CXADR: variants seen among roughly 807,000 people sequenced by gnomAD.
CXADR encodes coxsackievirus and adenovirus receptor.
In CXADR, 20 loss-of-function variants were observed where a neutral mutation model predicts 40.3. The ratio of observed to expected loss-of-function variants is 0.50; its 90% CI spans 0.35 to 0.72. The LOEUF is 0.72. Among genes scored for constraint, CXADR ranks in the 30% least tolerant of loss-of-function variants. The pLI is 0.01. For missense variants in CXADR, 332 were observed against 449.1 expected (o/e 0.74, Z 2.36); for synonymous variants, 150 against 161.3 (o/e 0.93, Z 0.53).
rs566815396 is a variant in CXADR, at chr21:17,534,560, T to G, written c.44-12467T>G. ...AGAAAGGCAAAGGTTGGAGTTAGGG[T>G]CTGGCAGAGGGGGAAAGGAAATGGT... On this transcript the variant is annotated intron_variant, in intron 1 of 6. Transcript: ENST00000284878. Among the ~76,000 whole-genome samples the G allele has an allele frequency of 5.9e-5, 9 of 152,172 alleles. No individual in the cohort carries two copies. In the South Asian group the frequency reaches 1.9e-3, roughly 32 times the overall value.
rs2061251407 is a variant in CXADR at position 17,569,014 on chromosome 21, G to A, written c.*3322G>A. On this transcript the variant is annotated 3_prime_UTR_variant, in exon 7 of 7. Transcript: ENST00000284878. ...AAAAGATACTTTTTCAAATTTAAGA[G>A]TTAATCTTGGAAATTTGGAACAAGT... The A allele has an allele frequency of 3.0e-6, 3 of 984,548 alleles. No homozygotes were observed. Among genetic ancestry groups the A allele is most frequent in the Non-Finnish European group, 3.6e-6 (3 of 829,326 alleles). The allele number at this position is 984,548 out of a possible 1,614,324, so 61.0% of individuals were successfully genotyped here.
In CXADR at chr21:17,566,657, G is replaced by T. The variant is rs1467611453; in HGVS notation, c.*965G>T. 9.1e-6 allele frequency: 9 copies of T among 984,532 alleles called. No individual in the cohort carries two copies. Among genetic ancestry groups the T allele is most frequent in the Non-Finnish European group, 1.1e-5 (9 of 829,460 alleles). The allele number at this position is 984,532 out of a possible 1,614,324, so 61.0% of individuals were successfully genotyped here. A position where few individuals can be genotyped will look rare whatever the true frequency, so the allele number is the denominator to read the frequency against. On this transcript the variant is annotated 3_prime_UTR_variant, in exon 7 of 7. Transcript: ENST00000284878. ...TTTTAAGTGGTTCTTTGGTTCCAGTGCTTTATGTTGTTGTTGTTTTTGGAT... is the reference window on the plus strand; with the variant it reads ...TTTTAAGTGGTTCTTTGGTTCCAGTTCTTTATGTTGTTGTTGTTTTTGGAT...
chr21:17,596,524 A>C (rs2123429082), downstream of CXADR, among the ~76,000 whole-genome samples: 1 of 152,126 alleles, frequency 6.6e-6, no homozygotes, highest in South Asian at 2.1e-4. Flanking sequence ...CAGTTGTTTC[A>C]GCACAAGTTC....
chr21:17,598,040 T>C (rs1176745708), downstream of CXADR, among the ~76,000 whole-genome samples: 1 of 152,204 alleles, frequency 6.6e-6, no homozygotes. Context: ...TGAAGAATGC[T>C]GTTTGGTCAA....
At chr21:17,541,545 A>G (rs998857175) in intron 1 of CXADR, among the ~76,000 whole-genome samples, 1 of 151,756 alleles carries the variant, frequency 6.6e-6, no homozygotes, top group Non-Finnish European at 1.5e-5. Context: ...GCGTCAGAGC[A>G]AGACTCTGTC....
intron 1 of CXADR, among the ~76,000 whole-genome samples, chr21:17,530,245 G>A (rs1306306447): frequency 6.6e-6 from 1 of 151,004 alleles, no homozygotes; most frequent in African/African-American, 2.4e-5. Flanking sequence ...GATTACAGGC[G>A]TGAGCCACTG....
At chr21:17,544,306 A>T (rs144180771) in intron 1 of CXADR, among the ~76,000 whole-genome samples, 1 of 152,222 alleles carries the variant, frequency 6.6e-6, no homozygotes, top group Non-Finnish European at 1.5e-5. Flanking sequence ...ATACCAAATC[A>T]TATCATTTTA....
chr21:17,533,883 C>G (rs2060709670), intron 1 of CXADR, among the ~76,000 whole-genome samples: 1 of 151,030 alleles, frequency 6.6e-6, no homozygotes, highest in African/African-American at 2.4e-5. Context: ...GTATTAATTT[C>G]CTTAGCTCTG....
In CXADR at chr21:17,568,257, C is replaced by T. The variant is rs1051728361; in HGVS notation, c.*2565C>T. ...CATTCTCCTGCCTCAGCCTCCCGAG[C>T]AGCTGGGACTACAGGCTCCCATCAC... On this transcript the variant is annotated 3_prime_UTR_variant, in exon 7 of 7. Transcript: ENST00000284878. 9.6e-5 allele frequency: 81 copies of T among 840,424 alleles called. No individual in the cohort carries two copies. Among genetic ancestry groups the T allele is most frequent in the Admixed American group, 1.3e-4 (2 of 15,994 alleles). 52.1% of individuals were successfully genotyped at this position (840,424 alleles called of 1,614,324 possible).
At chr21:17,632,690 A>AC in the CXADR span, among the ~76,000 whole-genome samples, 1 of 151,318 alleles carries the variant, frequency 6.6e-6, no homozygotes, top group Admixed American at 6.6e-5. Context: ...ACACGGTGAA[A>AC]CCCCATCTCT....
intron 7 of CXADR, among the ~76,000 whole-genome samples, chr21:17,588,013 T>C (rs2061409828): frequency 6.6e-6 from 1 of 152,186 alleles, no homozygotes; most frequent in African/African-American, 2.4e-5. Flanking sequence ...TTGCTTGTTT[T>C]TCTCAGGTTT....
At chr21:17,635,529 G>A in the CXADR span, among the ~76,000 whole-genome samples, 1 of 152,118 alleles carries the variant, frequency 6.6e-6, no homozygotes, top group Non-Finnish European at 1.5e-5. Flanking sequence ...CCTCCAGAGG[G>A]TGGAATCACT....
chr21:17,577,640 T>TTTTTTTTTTTTA (rs71189549), intron 7 of CXADR, among the ~76,000 whole-genome samples: 1 of 114,564 alleles, frequency 8.7e-6, no homozygotes, highest in Non-Finnish European at 2.0e-5. Context: ...TTTTTTTTTT[T>TTTTTTTTTTTTA]AACTGATGCA....
the CXADR span, among the ~76,000 whole-genome samples, chr21:17,634,228 C>T: frequency 6.6e-5 from 10 of 152,252 alleles, no homozygotes; most frequent in East Asian, 5.8e-4. Context: ...TTAAATTCTA[C>T]GTAAATAGTG....
downstream of CXADR, among the ~76,000 whole-genome samples, chr21:17,598,073 T>C (rs1025488300): frequency 2.6e-5 from 4 of 152,342 alleles, no homozygotes; most frequent in African/African-American, 9.6e-5. Flanking sequence ...GTCGATTAAA[T>C]GTTCTTTGGT....
At chr21:17,628,164 G>A in the CXADR span, among the ~76,000 whole-genome samples, 1 of 152,190 alleles carries the variant, frequency 6.6e-6, no homozygotes, top group Non-Finnish European at 1.5e-5. Context: ...ACTGTTCCAA[G>A]TTCTGGGCCT....
chr21:17,572,813 A>C (rs2061289844), downstream of CXADR, among the ~76,000 whole-genome samples: 2 of 152,182 alleles, frequency 1.3e-5, no homozygotes, highest in Non-Finnish European at 2.9e-5. Flanking sequence ...CTAATAATAT[A>C]TCTTAGTATC....
At position 17,565,502 on chromosome 21, in the gene CXADR, G is replaced by A. The variant is rs370031613; in HGVS notation, c.908G>A (p.Gly303Glu). The A allele has an allele frequency of 6.2e-7, 1 of 1,613,674 alleles. No individual in the cohort carries two copies. The highest frequency in any genetic ancestry group is 1.3e-5 in the African/African-American group (1 of 74,836). Residue 303 changes from glycine to glutamate, a missense_variant, in exon 7 of 7, where the codon GGG (glycine) becomes GAG (glutamate). Physicochemically the swap from Gly to Glu is moderately conservative, Grantham distance 98. Transcript: ENST00000284878. ...SYIGSNHSSL[G>E]SMSPSNMEGY... ...ATCGGCAGTAATCATTCATCCCTGG[G>A]GTCCATGTCTCCTTCCAACATGGAA...
downstream of CXADR, among the ~76,000 whole-genome samples, chr21:17,598,095 A>C (rs549966971): frequency 2.0e-5 from 3 of 152,300 alleles, no homozygotes; most frequent in South Asian, 6.2e-4. Context: ...TGTAGATATA[A>C]ATAGTAAATC....
Sources: gnomAD v4.1 joint callset for allele counts (sites outside exome capture counted in the v4.1 genomes callset) on GRCh38, gnomAD v4.1.1 for gene constraint, MANE v1.5 for transcripts, NCBI Gene and HGNC (gene_info 2026-07-23, HGNC 2026-07-21) for gene names.